CARD14: variants seen among roughly 807,000 people sequenced by gnomAD.
The protein encoded by CARD14 is caspase recruitment domain family member 14.
In CARD14, 107 loss-of-function variants were observed where a neutral mutation model predicts 111.5. The ratio of observed to expected loss-of-function variants is 0.96; its 90% CI spans 0.82 to 1.13. The LOEUF is 1.13. Among genes scored for constraint, CARD14 ranks in the 50% most tolerant of loss-of-function variants. CARD14 has a pLI of 0.00. For synonymous variants in CARD14, 617 were observed against 579.6 expected, an observed-to-expected ratio of 1.06 and a Z score of -0.93; for missense variants, 1,322 against 1,362.3, an observed-to-expected ratio of 0.97 and a Z score of 0.47.
rs1475333160 is a variant in CARD14, at chr17:80,195,119, G to A, written c.1357-72G>A. On this transcript the variant is annotated intron_variant, in intron 12 of 23. Coordinates refer to ENST00000648509, the MANE Select transcript of CARD14 (RefSeq NM_001366385.1). The surrounding 1 kb of genome is among the most constrained non-coding windows in gnomAD (Gnocchi z 4.7). ...TTCTCACTGTGGCTCTCTCTACACCGTGGGGGAGCAAGGGAGGAGTCTCAG... is the reference window on the plus strand; with the variant it reads ...TTCTCACTGTGGCTCTCTCTACACCATGGGGGAGCAAGGGAGGAGTCTCAG... 35 of 1,521,408 alleles carry A rather than the reference G, an allele frequency of 2.3e-5. 1 individual carries two copies. The highest frequency in any genetic ancestry group is 9.6e-5 in the Admixed American group (5 of 51,992). The allele number at this position is 1,521,408 out of a possible 1,614,324, so 94.2% of individuals were successfully genotyped here.
At chr17:80,190,725 AC>A in intron 9 of CARD14, 48 bp from the exon 10 acceptor site, 1 of 1,606,722 alleles carries the variant, frequency 6.2e-7, no homozygotes, top group Non-Finnish European at 8.5e-7. Context: ...CTAAGGCCAG[AC>A]CCTCAGAGCT....
intron 7 of CARD14, chr17:80,187,815 G>T: frequency 1.0e-6 from 1 of 985,446 alleles, no homozygotes; most frequent in South Asian, 4.7e-5. Flanking sequence ...GAGGAAGGAG[G>T]CCAGCAGGAC....
rs1393440033 is a variant in CARD14 at position 80,198,717 on chromosome 17, T to C, written c.1851+126T>C. On this transcript the variant is annotated intron_variant, in intron 16 of 23. Transcript: ENST00000648509. The surrounding 1 kb of genome is among the most constrained non-coding windows in gnomAD (Gnocchi z 7.5). ...GATCCACTCTGGGCTGGGCCTCTGC[T>C]CTTTCCTGGGCTGACGTAAAGCGTT... The C allele has an allele frequency of 1.3e-6, 2 of 1,584,088 alleles. No individual in the cohort carries two copies. The highest frequency in any genetic ancestry group is 1.7e-6 in the Non-Finnish European group (2 of 1,167,462).
chr17:80,174,613 T>A (rs1030295557), intron 2 of CARD14, among the ~76,000 whole-genome samples: 6 of 152,078 alleles, frequency 3.9e-5, no homozygotes, highest in Non-Finnish European at 8.8e-5. Flanking sequence ...TTTCTTAGGG[T>A]AAAGAATCTT....
chr17:80,171,509 T>C (rs1415950474), intron 1 of CARD14, among the ~76,000 whole-genome samples: 2 of 152,024 alleles, frequency 1.3e-5, no homozygotes. Context: ...TGTTTTGTTT[T>C]GTTTTACTGT....
intron 23 of CARD14, 25 bp from the exon 24 acceptor site, chr17:80,208,113 C>A (rs1430431506): frequency 2.0e-6 from 3 of 1,468,920 alleles, no homozygotes; most frequent in Non-Finnish European, 1.8e-6. Context: ...CCTGAGCCCG[C>A]CCCCCCCAAC....
Position 80,195,609 on chromosome 17 carries a change from G to C in CARD14, c.1551G>C (p.Lys517Asn). The C allele has an allele frequency of 6.2e-7, 1 of 1,613,478 alleles. No individual in the cohort carries two copies. Among genetic ancestry groups the C allele is most frequent in the South Asian group, 1.1e-5 (1 of 91,060 alleles). ...ACCCGGGAGCCCTGCCGGGAGCTAA[G>C]GCAGGCGACCCACACCTGGATTATG... ...EGDPGALPGA[K>N]AGDPHLDYEL... The change falls in exon 14 of 24, where the codon AAG becomes AAC. Residue 517 changes from lysine to asparagine, a missense_variant. Coordinates refer to ENST00000648509, the MANE Select transcript of CARD14 (RefSeq NM_001366385.1). The surrounding 1 kb of genome is among the most constrained non-coding windows in gnomAD (Gnocchi z 4.7).
chr17:80,191,660 G>A (rs930542492), intron 11 of CARD14, among the ~76,000 whole-genome samples, 188 bp downstream of exon 11: 7 of 152,252 alleles, frequency 4.6e-5, no homozygotes, highest in East Asian at 3.8e-4. Flanking sequence ...GCTCCCACGC[G>A]TGGATGGTGC....
intron 4 of CARD14, among the ~76,000 whole-genome samples, chr17:80,180,243 G>A (rs1012986412): frequency 5.3e-5 from 8 of 152,084 alleles, no homozygotes; most frequent in Admixed American, 1.3e-4. Context: ...CAGGTGTTCC[G>A]GGCTGTAACG....
chr17:80,203,915 A>C lies in CARD14; in HGVS notation c.2283+30A>C. 1.3e-6 allele frequency: 2 copies of C among 1,552,360 alleles called. No homozygotes were observed. The highest frequency in any genetic ancestry group is 1.8e-6 in the Non-Finnish European group (2 of 1,142,132). On this transcript the variant is annotated intron_variant, in intron 19 of 23. Coordinates refer to ENST00000648509, the MANE Select transcript of CARD14 (RefSeq NM_001366385.1). This position sits in a 1 kb window ranked among gnomAD's most constrained non-coding sequence, Gnocchi z 4.6. ...GGCTCCAGGGAGGGGCCTGGACCCC[A>C]CTGGGGTGGGCTGGAAGAGGGGCTC... is the stretch of plus-strand genomic sequence containing the variant.
chr17:80,207,027 G>A lies in CARD14; in HGVS notation c.2749G>A (p.Asp917Asn). Residue 917 changes from aspartate (D) to asparagine (N), a missense_variant, in exon 23 of 24, where the codon GAC becomes AAC. Coordinates refer to ENST00000648509, the MANE Select transcript of CARD14 (RefSeq NM_001366385.1). ...CAGTGTCTGCACCCTGCACAGGATG[G>A]ACATCTTCCCCATCGTCATCCACGT... ...LDSVCTLHRM[D>N]IFPIVIHVSV... 3.1e-6 allele frequency: 5 copies of A among 1,614,036 alleles called. No individual in the cohort carries two copies. The South Asian group carries it at 4.4e-5, about 14-fold the overall frequency.
intron 2 of CARD14, among the ~76,000 whole-genome samples, chr17:80,174,713 A>C (rs1278757228): frequency 6.6e-6 from 1 of 152,138 alleles, no homozygotes; most frequent in African/African-American, 2.4e-5. Flanking sequence ...GCTGAGAAGG[A>C]CAGCCGGGCC....
In CARD14 at chr17:80,178,673, C is replaced by G. The variant is rs533926834; in HGVS notation, c.-219+18C>G. On this transcript the variant is annotated intron_variant, in intron 3 of 23. Coordinates refer to ENST00000648509, the MANE Select transcript of CARD14 (RefSeq NM_001366385.1). The stretch of plus-strand genomic sequence containing the variant: ...GAACCTTGGTGAGTACTTCCGGAGA[C>G]CCGGCTCCTGGGACGGCTTCTGGCG... The G allele has an allele frequency of 6.6e-6, 1 of 152,320 alleles. No homozygotes were observed. The highest frequency in any genetic ancestry group is 1.5e-5 in the Non-Finnish European group (1 of 68,116). The allele number at this position is 152,320 out of a possible 1,614,324, so 9.4% of individuals were successfully genotyped here.
chr17:80,174,367 C>T (rs2039975610), intron 2 of CARD14, among the ~76,000 whole-genome samples: 2 of 152,122 alleles, frequency 1.3e-5, no homozygotes, highest in South Asian at 4.1e-4. Context: ...CATGTACCAC[C>T]ACACCCAGCT....
intron 6 of CARD14, among the ~76,000 whole-genome samples, chr17:80,183,108 A>T (rs1397181290): frequency 6.6e-6 from 1 of 152,212 alleles, no homozygotes; most frequent in Non-Finnish European, 1.5e-5. Context: ...TGTCTCCTGG[A>T]GTCCGCCTTT....
chr17:80,172,050 C>T (rs2039914531), intron 1 of CARD14, among the ~76,000 whole-genome samples: 1 of 152,242 alleles, frequency 6.6e-6, no homozygotes, highest in Admixed American at 6.5e-5. Flanking sequence ...GTTTCAGCTG[C>T]AAGCTGGAGA....
In CARD14 at chr17:80,195,646, A is replaced by G. The variant is rs764792856; in HGVS notation, c.1588A>G (p.Thr530Ala). 7 of 1,612,088 alleles carry G rather than the reference A, an allele frequency of 4.3e-6. No individual in the cohort carries two copies. The African/African-American group carries it at 6.7e-5, about 15-fold the overall frequency. The change falls in exon 14 of 24, where the codon ACG (threonine) becomes GCG (alanine). Residue 530 changes from threonine to alanine, a missense_variant. Coordinates refer to ENST00000648509, the MANE Select transcript of CARD14 (RefSeq NM_001366385.1). The surrounding 1 kb of genome is among the most constrained non-coding windows in gnomAD (Gnocchi z 4.7). ...ACACCTGGATTATGAGCTCCTAGAC[A>G]CGGCAGGTGAGCACGCCCAACCCTG... Reference protein sequence around the residue: ...DPHLDYELLDTADLPQLESSL... With the variant: ...DPHLDYELLDAADLPQLESSL...
At chr17:80,181,364 C>G in intron 4 of CARD14, 55 bp from the exon 5 acceptor site, 1 of 1,347,934 alleles carries the variant, frequency 7.4e-7, no homozygotes, top group East Asian at 2.5e-5. Flanking sequence ...GTCACCCTGG[C>G]TATCCTGGGG....
chr17:80,194,834 G>A (rs2040652507), intron 12 of CARD14, among the ~76,000 whole-genome samples: 1 of 152,120 alleles, frequency 6.6e-6, no homozygotes, highest in South Asian at 2.1e-4. Flanking sequence ...TGACATGTGG[G>A]GATTATTACA....
Sources: allele counts gnomAD v4.1 joint callset (sites outside exome capture counted in the v4.1 genomes callset), GRCh38; gene constraint gnomAD v4.1.1; non-coding constraint Gnocchi (gnomAD v3.1); transcripts MANE v1.5; gene names NCBI Gene and HGNC (gene_info 2026-07-23, HGNC 2026-07-21).